FAF1: variants seen among roughly 807,000 people sequenced by gnomAD.
FAF1 encodes the protein Fas associated factor 1.
In FAF1, 25 loss-of-function variants were observed where a neutral mutation model predicts 92.5. That is an observed-to-expected ratio of 0.27 (90% CI 0.20 to 0.38). FAF1 has a LOEUF of 0.38. Among genes scored for constraint, FAF1 ranks in the 10% least tolerant of loss-of-function variants. The pLI, the probability that FAF1 is intolerant of heterozygous loss-of-function variation, is 1.00. For synonymous variants in FAF1, 234 were observed against 273.2 expected, an observed-to-expected ratio of 0.86 and a Z score of 1.42; for missense variants, 636 against 793.3, an observed-to-expected ratio of 0.80 and a Z score of 2.38.
At chr1:50,591,454 C>T (rs190431938) in intron 9 of FAF1, among the ~76,000 whole-genome samples, 205 of 152,228 alleles carry the variant, frequency 1.3e-3, no homozygotes, top group African/African-American at 4.6e-3. Flanking sequence ...AGGTGGATCA[C>T]GACTTAAGGT....
chr1:50,529,175 C>T (rs11577519), intron 15 of FAF1, among the ~76,000 whole-genome samples: 35,284 of 152,006 alleles, frequency 0.23, 4,516 homozygotes, highest in Middle Eastern at 0.43. Context: ...TACTGGTTTG[C>T]AGTTATTTAT....
chr1:50,852,536 A>G (rs1246405918), intron 2 of FAF1, among the ~76,000 whole-genome samples: 2 of 152,196 alleles, frequency 1.3e-5, no homozygotes, highest in Non-Finnish European at 2.9e-5. Context: ...ATATGATATT[A>G]TTTATAAGTG....
intron 15 of FAF1, among the ~76,000 whole-genome samples, chr1:50,515,255 T>G (rs1438091968): frequency 3.3e-5 from 5 of 152,166 alleles, no homozygotes; most frequent in Non-Finnish European, 4.4e-5. Flanking sequence ...GGGTATTACT[T>G]CTACTTGACA....
At chr1:50,950,434 G>A (rs913061923) in intron 1 of FAF1, among the ~76,000 whole-genome samples, 13 of 152,174 alleles carry the variant, frequency 8.5e-5, no homozygotes, top group African/African-American at 2.7e-4. Flanking sequence ...AAATATTTTA[G>A]GCTTGTAAGG....
rs115075933 is a variant in FAF1, at chr1:50,452,959, T to A, written c.1870-11436A>T. Among the ~76,000 whole-genome samples the A allele has an allele frequency of 4.3e-3, 649 of 152,320 alleles. 6 individuals are homozygous for A. Among genetic ancestry groups the A allele is most frequent in the African/African-American group, 0.015 (604 of 41,580 alleles). On this transcript the variant is annotated intron_variant, in intron 18 of 18. Coordinates refer to ENST00000396153, the MANE Select transcript of FAF1 (RefSeq NM_007051.3). ...CCCTCTGGGTCTATCTCCTTCACACTTCCACTAGTGAGAGTTGAACAAAAT... is the reference window on the plus strand; with the variant it reads ...CCCTCTGGGTCTATCTCCTTCACACATCCACTAGTGAGAGTTGAACAAAAT...
At chr1:50,472,869 CTA>C (rs1454991818) in intron 18 of FAF1, among the ~76,000 whole-genome samples, 1 of 152,170 alleles carries the variant, frequency 6.6e-6, no homozygotes, top group East Asian at 1.9e-4. Context: ...TGCAAAAACA[CTA>C]GTCATTTGAC....
chr1:50,635,352 C>A (rs1014389530), intron 8 of FAF1, among the ~76,000 whole-genome samples: 1 of 152,194 alleles, frequency 6.6e-6, no homozygotes, highest in Non-Finnish European at 1.5e-5. Context: ...TCTCTACTTT[C>A]CCTCTACAAC....
At chr1:50,563,553 C>T (rs571251447) in intron 13 of FAF1, among the ~76,000 whole-genome samples, 4 of 152,012 alleles carry the variant, frequency 2.6e-5, no homozygotes, top group Non-Finnish European at 5.9e-5. Flanking sequence ...CAATATTTTC[C>T]AAGGAAAAAA....
At chr1:50,729,030 C>CTATATA (rs1324027260) in intron 6 of FAF1, among the ~76,000 whole-genome samples, 18 of 74,504 alleles carry the variant, frequency 2.4e-4, no homozygotes, top group South Asian at 1.4e-3. Flanking sequence ...ATCTATCTAT[C>CTATATA]TATCTATATA....
chr1:50,622,071 C>T (rs1653238181), intron 8 of FAF1, among the ~76,000 whole-genome samples: 1 of 150,258 alleles, frequency 6.7e-6, no homozygotes, highest in Admixed American at 6.7e-5. Context: ...GAAGCTGAGG[C>T]AGGAAATCAC....
intron 15 of FAF1, among the ~76,000 whole-genome samples, chr1:50,534,664 A>C (rs1648373581): frequency 6.6e-6 from 1 of 152,166 alleles, no homozygotes; most frequent in Admixed American, 6.5e-5. Context: ...AAAAGTGTCT[A>C]TTTACTGCCA....
rs183375971 is a variant in FAF1, at chr1:50,828,667, G to C, written c.115-26990C>G. 4.7e-4 allele frequency among the ~76,000 whole-genome samples: 72 copies of C among 152,132 alleles called. No homozygotes were observed. In the East Asian group the frequency reaches 7.1e-3, roughly 15 times the overall value. Reference sequence around the variant, plus strand: ...TTATACCAACACAAAATTAACTTTCGATAAATTACGACATTAAATATAAAA... The same window carrying C: ...TTATACCAACACAAAATTAACTTTCCATAAATTACGACATTAAATATAAAA... On this transcript the variant is annotated intron_variant, in intron 2 of 18. Transcript: ENST00000396153.
intron 7 of FAF1, among the ~76,000 whole-genome samples, chr1:50,679,007 A>G (rs1247537831): frequency 1.3e-5 from 2 of 152,112 alleles, no homozygotes; most frequent in Non-Finnish European, 2.9e-5. Context: ...GAATGGCATG[A>G]ACCCGGGAGG....
intron 4 of FAF1, among the ~76,000 whole-genome samples, chr1:50,764,437 A>G (rs1660486674): frequency 6.6e-6 from 1 of 152,188 alleles, no homozygotes; most frequent in Non-Finnish European, 1.5e-5. Flanking sequence ...CTATGTAGCA[A>G]TCTTTCTCTT....
At chr1:50,444,761 G>C (rs932141709) in intron 18 of FAF1, among the ~76,000 whole-genome samples, 2 of 152,122 alleles carry the variant, frequency 1.3e-5, no homozygotes, top group Non-Finnish European at 2.9e-5. Flanking sequence ...AGTGAAATAG[G>C]TACGATTCTT....
chr1:50,507,004 G>T (rs1647067330), intron 15 of FAF1, among the ~76,000 whole-genome samples: 1 of 152,178 alleles, frequency 6.6e-6, no homozygotes, highest in Non-Finnish European at 1.5e-5. Flanking sequence ...GGAGGAATGG[G>T]AATGGGAATG....
intron 4 of FAF1, among the ~76,000 whole-genome samples, chr1:50,761,074 A>G (rs1402153335): frequency 6.6e-6 from 1 of 152,234 alleles, no homozygotes; most frequent in Non-Finnish European, 1.5e-5. Flanking sequence ...GTGCAAATAA[A>G]CTAGAAAATC....
At chr1:50,784,950 T>C (rs1327776691) in intron 4 of FAF1, among the ~76,000 whole-genome samples, 1 of 151,958 alleles carries the variant, frequency 6.6e-6, no homozygotes. Context: ...CTTCAAAAAA[T>C]GGTACTGGGA....
intron 18 of FAF1, 78 bp downstream of exon 18, chr1:50,475,386 T>C: frequency 8.5e-7 from 1 of 1,175,156 alleles, no homozygotes; most frequent in East Asian, 2.4e-5. Flanking sequence ...GGGACTTTTC[T>C]TGAACTACTT....
Sources: allele counts gnomAD v4.1 joint callset (sites outside exome capture counted in the v4.1 genomes callset), GRCh38; gene constraint gnomAD v4.1.1; transcripts MANE v1.5; gene names NCBI Gene and HGNC (gene_info 2026-07-23, HGNC 2026-07-21).